The following GCC2 variants were observed in gnomAD, a reference collection of about 807,000 sequenced individuals.
GCC2 encodes GRIP and coiled-coil domain-containing protein 2.
Under a neutral mutation model 210.6 loss-of-function variants are expected in GCC2, and 120 were observed. The ratio of observed to expected loss-of-function variants is 0.57; its 90% CI spans 0.49 to 0.66. GCC2 has a LOEUF of 0.66. GCC2 is among the 30% of genes least tolerant of loss of function. GCC2 has a pLI of 0.00. For missense variants in GCC2, 1,868 were observed against 1,871.9 expected (o/e 1.00, Z 0.04); for synonymous variants, 703 against 652.7 (o/e 1.08, Z -1.17).
At chr2:108,481,575 A>C in intron 9 of GCC2, 122 bp from the exon 10 acceptor site, 1 of 652,538 alleles carries the variant, frequency 1.5e-6, no homozygotes, top group Non-Finnish European at 2.6e-6. Context: ...TATTCTGTTC[A>C]ACTTGGGTAA....
At chr2:108,473,135 G>T in intron 7 of GCC2, 2 of 383,208 alleles carry the variant, frequency 5.2e-6, no homozygotes, top group Non-Finnish European at 4.6e-6. Context: ...ATGGCTTCAT[G>T]ATTTATTTTG....
chr2:108,502,547 A>G (rs1682974627), intron 22 of GCC2, among the ~76,000 whole-genome samples: 1 of 152,230 alleles, frequency 6.6e-6, no homozygotes, highest in South Asian at 2.1e-4. Flanking sequence ...GTCTCTTATC[A>G]ATGTGAGTAC....
chr2:108,472,201 C>G (rs201069418), intron 6 of GCC2, 85 bp downstream of exon 6: 8 of 960,534 alleles, frequency 8.3e-6, no homozygotes, highest in Non-Finnish European at 1.2e-5. Flanking sequence ...TACACCTTGA[C>G]GTCAAAAGTA....
chr2:108,467,852 T>C lies in GCC2; in HGVS notation c.217-1128T>C, dbSNP rs1680984508. 1.3e-5 allele frequency among the ~76,000 whole-genome samples: 2 copies of C among 152,178 alleles called. 1 individual carries two copies. The highest frequency in any genetic ancestry group is 4.1e-4 in the South Asian group (2 of 4,832). On this transcript the variant is annotated intron_variant, in intron 4 of 22. Transcript: ENST00000309863. Reference sequence around the variant, plus strand: ...GTTTGTATGAAATTGGGATGATCTGTCCCTTGAAAATTTGATAGAACTCAC... The same window carrying C: ...GTTTGTATGAAATTGGGATGATCTGCCCCTTGAAAATTTGATAGAACTCAC...
chr2:108,470,553 A>G lies in GCC2; in HGVS notation c.1224A>G (p.Leu408=), dbSNP rs1681141653. 6.2e-7 allele frequency: 1 copy of G among 1,607,848 alleles called. No homozygotes were observed. The highest frequency in any genetic ancestry group is 8.5e-7 in the Non-Finnish European group (1 of 1,177,682). ...TAATTGAAAAATTAAAATCTGAGCT[A>G]GCAGGTTTAAATAAACAGTTTTGCT... The part of the protein sequence containing the change: ...GCVIEKLKSE[L]AGLNKQFCYT... The change falls in exon 6 of 23, where the codon CTA becomes CTG. Residue 408 remains leucine (L), a synonymous_variant. Transcript: ENST00000309863.
intron 9 of GCC2, among the ~76,000 whole-genome samples, chr2:108,477,649 G>A (rs1401652761): frequency 6.6e-6 from 1 of 152,142 alleles, no homozygotes; most frequent in Non-Finnish European, 1.5e-5. Flanking sequence ...ATGTATTCTG[G>A]ATGGATTAAA....
In GCC2 at chr2:108,469,086, T is replaced by A; in HGVS notation, c.321+2T>A. ...ATAAAAATGAAGCAAGAGGTTGAGG[T>A]AAGTCAATATTTTAGTGTTCTTTTC... On this transcript the variant is annotated splice_donor_variant, in intron 5 of 22. Transcript: ENST00000309863. LOFTEE classifies it high-confidence loss of function. 160 of 1,362,162 alleles carry A rather than the reference T, an allele frequency of 1.2e-4. No individual in the cohort carries two copies. The highest frequency in any genetic ancestry group is 1.8e-4 in the Middle Eastern group (1 of 5,582). The allele number at this position is 1,362,162 out of a possible 1,614,324, so 84.4% of individuals were successfully genotyped here. A position where few individuals can be genotyped will look rare whatever the true frequency, so the allele number is the denominator to read the frequency against.
In GCC2 at chr2:108,487,807, G is replaced by A. The variant is rs769689840; in HGVS notation, c.4039G>A (p.Ala1347Thr). 9.3e-6 allele frequency: 15 copies of A among 1,612,350 alleles called. No homozygotes were observed. Among genetic ancestry groups the A allele is most frequent in the East Asian group, 4.5e-5 (2 of 44,794 alleles). The change falls in exon 17 of 23, where the codon GCT becomes ACT. Residue 1347 changes from alanine to threonine, a missense_variant. This residue lies in a region of GCC2 where 1,847 missense variants were observed against 1,765.2 expected (regional missense o/e 1.05). Coordinates refer to ENST00000309863, the MANE Select transcript of GCC2 (RefSeq NM_181453.4). ...TATGTCTCAGGCTGAAACTGAGGGC[G>A]CTAAACAAGAAAGGTAAAGTCTGAA... ...KSMSQAETEG[A>T]KQEREHLEML...
At chr2:108,476,371 T>C (rs1681524816) in intron 9 of GCC2, among the ~76,000 whole-genome samples, 1 of 152,156 alleles carries the variant, frequency 6.6e-6, no homozygotes, top group Non-Finnish European at 1.5e-5. Flanking sequence ...ATAGTGCCTT[T>C]AAATTGTTGT....
chr2:108,498,538 A>C (rs372657475), intron 21 of GCC2, among the ~76,000 whole-genome samples: 23 of 151,768 alleles, frequency 1.5e-4, no homozygotes, highest in East Asian at 1.4e-3. Context: ...ATGATTTCTT[A>C]GTCTTCTTTA....
Position 108,449,238 on chromosome 2 carries a change from C to CGCCA in GCC2, c.-36_-35insCCAG, listed in dbSNP as rs1558721960. Reference sequence around the variant, plus strand: ...GGCGCAAACAGAAGTGCAGCGGTGGCGGCGGCTGGTTGCGGGCCGGCGGCG... The same window carrying CGCCA: ...GGCGCAAACAGAAGTGCAGCGGTGGCGCCAGGCGGCTGGTTGCGGGCCGGCGGCG... On this transcript the variant is annotated 5_prime_UTR_variant, in exon 1 of 23. Transcript: ENST00000309863. The CGCCA allele has an allele frequency of 3.2e-6, 5 of 1,543,802 alleles. No individual in the cohort carries two copies. In the Admixed American group the frequency reaches 9.8e-5, roughly 30 times the overall value.
intron 22 of GCC2, among the ~76,000 whole-genome samples, chr2:108,505,763 C>A (rs901880354): frequency 2.0e-5 from 3 of 151,914 alleles, no homozygotes; most frequent in Non-Finnish European, 4.4e-5. Context: ...GAAATAGAAC[C>A]ATTTCTGATC....
chr2:108,486,376 CATAAAAATAT>C, intron 15 of GCC2, 125 bp from the exon 16 acceptor site: 1 of 807,978 alleles, frequency 1.2e-6, no homozygotes, highest in Non-Finnish European at 2.1e-6. Context: ...AATAATAATA[CATAAAAATAT>C]TTCACTACTT....
At chr2:108,500,278 G>A (rs1682853284) in intron 22 of GCC2, among the ~76,000 whole-genome samples, 1 of 152,138 alleles carries the variant, frequency 6.6e-6, no homozygotes, top group East Asian at 1.9e-4. Context: ...ACTTTGGGAG[G>A]CCGAGGCAGG....
rs147613845 is a variant in GCC2 at position 108,464,740 on chromosome 2, A to C, written c.217-4240A>C. ...AGAGGTCTATGGGAAAAATGGAAGG[A>C]TGGAAGGAAGGAGGGAGGGAGGGAG... On this transcript the variant is annotated intron_variant, in intron 4 of 22. Transcript: ENST00000309863. Among the ~76,000 whole-genome samples, 3 of 151,892 alleles carry C rather than the reference A, an allele frequency of 2.0e-5. No individual in the cohort carries two copies. The East Asian group carries it at 5.8e-4, about 29-fold the overall frequency.
At chr2:108,485,347 A>T (rs1365529888) in intron 13 of GCC2, among the ~76,000 whole-genome samples, 1 of 151,706 alleles carries the variant, frequency 6.6e-6, no homozygotes, top group Non-Finnish European at 1.5e-5. Context: ...AAAAAAAAAG[A>T]TGTTTGTAGT....
intron 4 of GCC2, among the ~76,000 whole-genome samples, chr2:108,460,215 C>G (rs1406353220): frequency 1.3e-5 from 2 of 152,140 alleles, no homozygotes; most frequent in Admixed American, 1.3e-4. Context: ...CATGGAATAT[C>G]TTTTTCCATG....
chr2:108,485,940 T>A, intron 15 of GCC2, 32 bp downstream of exon 15: 1 of 1,109,164 alleles, frequency 9.0e-7, no homozygotes, highest in Non-Finnish European at 1.3e-6. Context: ...ATTAAAAAAA[T>A]GTTTTTTCAT....
intron 4 of GCC2, among the ~76,000 whole-genome samples, chr2:108,462,026 A>T (rs568206213): frequency 1.1e-3 from 150 of 141,692 alleles, no homozygotes; most frequent in African/African-American, 3.8e-3. Flanking sequence ...TTTAGTAGAG[A>T]CGGGGTTTCA....
Sources: allele counts gnomAD v4.1 joint callset (sites outside exome capture counted in the v4.1 genomes callset), GRCh38; gene constraint gnomAD v4.1.1; regional missense constraint gnomAD v4.1.1; transcripts MANE v1.5; gene names NCBI Gene and HGNC (gene_info 2026-07-23, HGNC 2026-07-21).